GALNT13: variants seen among roughly 807,000 people sequenced by gnomAD.
GALNT13 encodes the protein polypeptide N-acetylgalactosaminyltransferase 13.
A neutral mutation model predicts 64.2 loss-of-function variants in GALNT13; 28 were observed. The observed-to-expected ratio is 0.44, with a 90% confidence interval of 0.32 to 0.60. The LOEUF (loss-of-function observed/expected upper bound fraction) is 0.60, where lower values mean the gene tolerates loss of function less well. GALNT13 is among the 20% of genes least tolerant of loss of function. The pLI, the probability that GALNT13 is intolerant of heterozygous loss-of-function variation, is 0.05. For synonymous variants in GALNT13, 214 were observed against 224.6 expected (o/e 0.95, Z 0.42); for missense variants, 577 against 669.8 (o/e 0.86, Z 1.53).
chr2:153,805,831 T>G, the GALNT13 span, among the ~76,000 whole-genome samples: 22 of 152,020 alleles, frequency 1.4e-4, no homozygotes, highest in Admixed American at 1.4e-3. Flanking sequence ...TGATTCTTTA[T>G]GAAGAAGAAA....
At chr2:153,276,009 T>C in the GALNT13 span, among the ~76,000 whole-genome samples, 5 of 152,224 alleles carry the variant, frequency 3.3e-5, no homozygotes, top group Non-Finnish European at 7.4e-5. Context: ...TATTTCATTT[T>C]CATTTAAATT....
intron 1 of GALNT13, among the ~76,000 whole-genome samples, chr2:153,896,081 A>ATATTTTTTTTTTTTTTTTTT (rs1574065409): frequency 1.7e-4 from 23 of 136,856 alleles, no homozygotes; most frequent in African/African-American, 5.1e-4. Flanking sequence ...ATGATTTTAT[A>ATATTTTTTTTTTTTTTTTTT]TTTTTATGTT....
At chr2:153,387,855 T>C in the GALNT13 span, among the ~76,000 whole-genome samples, 3 of 152,120 alleles carry the variant, frequency 2.0e-5, no homozygotes, top group Admixed American at 6.6e-5. Flanking sequence ...CATGTGTTGA[T>C]AGCAGTGTCT....
the GALNT13 span, among the ~76,000 whole-genome samples, chr2:153,418,401 G>T: frequency 2.0e-5 from 3 of 152,168 alleles, no homozygotes; most frequent in Non-Finnish European, 4.4e-5. Flanking sequence ...TAAGTTTGTT[G>T]TAATTTGCCA....
At chr2:153,421,543 T>G in the GALNT13 span, 1 of 233,290 alleles carries the variant, frequency 4.3e-6, no homozygotes, top group Non-Finnish European at 9.8e-6. Flanking sequence ...CAGAACCAGT[T>G]TCTCCACCAA....
chr2:153,598,250 C>T, the GALNT13 span, among the ~76,000 whole-genome samples: 1 of 152,136 alleles, frequency 6.6e-6, no homozygotes, highest in Non-Finnish European at 1.5e-5. Flanking sequence ...CCATCTCCTA[C>T]TATTCTCCTT....
chr2:154,054,852 A>G (rs1364434421), intron 3 of GALNT13, among the ~76,000 whole-genome samples: 6 of 152,062 alleles, frequency 3.9e-5, no homozygotes, highest in Non-Finnish European at 7.4e-5. Context: ...TCATAATAAA[A>G]TAAGAAATTA....
At chr2:153,101,814 C>T in the GALNT13 span, among the ~76,000 whole-genome samples, 3 of 152,232 alleles carry the variant, frequency 2.0e-5, no homozygotes. Flanking sequence ...CGTGCTCATG[C>T]ACATCTGTCT....
the GALNT13 span, among the ~76,000 whole-genome samples, chr2:153,487,198 G>C: frequency 1.3e-5 from 2 of 152,198 alleles, no homozygotes; most frequent in Admixed American, 1.3e-4. Flanking sequence ...TTCTGCAAGA[G>C]AGAAACAATG....
the GALNT13 span, among the ~76,000 whole-genome samples, chr2:153,269,182 T>TA: frequency 6.6e-6 from 1 of 152,086 alleles, no homozygotes; most frequent in African/African-American, 2.4e-5. Flanking sequence ...TCTACTTTTT[T>TA]AAAAAAAATA....
At chr2:153,180,011 C>T in the GALNT13 span, among the ~76,000 whole-genome samples, 14 of 152,136 alleles carry the variant, frequency 9.2e-5, no homozygotes, top group South Asian at 2.9e-3. Context: ...TATTTGGATG[C>T]CTTTTATTTC....
Position 153,944,435 on chromosome 2 carries a change from CTTGGATTT to C in GALNT13, c.-62_-55del, listed in dbSNP as rs1306315429. 1 of 1,500,428 alleles carries C rather than the reference CTTGGATTT, an allele frequency of 6.7e-7. No homozygotes were observed. The highest frequency in any genetic ancestry group is 2.3e-5 in the East Asian group (1 of 43,472). The allele number at this position is 1,500,428 out of a possible 1,614,324, so 92.9% of individuals were successfully genotyped here. A position where few individuals can be genotyped will look rare whatever the true frequency, so the allele number is the denominator to read the frequency against. ...TTCATCTTGGAGTTCACCTGTGTGG[CTTGGATTT>C]ATCACAGTAGCATTTGTCTTCAATC... On this transcript the variant is annotated 5_prime_UTR_variant, in exon 3 of 13. An upstream open reading frame in the 5' UTR gains an earlier in-frame stop. Transcript: ENST00000392825.
chr2:154,424,869 C>T (rs553320794), intron 11 of GALNT13, among the ~76,000 whole-genome samples: 1 of 152,294 alleles, frequency 6.6e-6, no homozygotes, highest in South Asian at 2.1e-4. Flanking sequence ...TGGGGGAACC[C>T]AAACTAAATA....
intron 4 of GALNT13, among the ~76,000 whole-genome samples, chr2:154,208,821 A>G (rs1314084549): frequency 6.6e-6 from 1 of 152,066 alleles, no homozygotes; most frequent in East Asian, 1.9e-4. Context: ...ATATATTTTA[A>G]TCCTGTAGAA....
the GALNT13 span, among the ~76,000 whole-genome samples, chr2:153,634,371 T>C: frequency 6.6e-6 from 1 of 151,954 alleles, no homozygotes; most frequent in Non-Finnish European, 1.5e-5. Context: ...AACTCACACT[T>C]CTTTCTGATA....
At chr2:153,684,468 A>G in the GALNT13 span, among the ~76,000 whole-genome samples, 1 of 151,722 alleles carries the variant, frequency 6.6e-6, no homozygotes, top group East Asian at 1.9e-4. Context: ...ATATTAAAAT[A>G]TTTAACTTGA....
At chr2:154,353,344 G>A (rs764644634) in intron 9 of GALNT13, among the ~76,000 whole-genome samples, 2 of 152,054 alleles carry the variant, frequency 1.3e-5, no homozygotes, top group Non-Finnish European at 2.9e-5. Context: ...GAAGTTATGG[G>A]ATACATATAG....
the GALNT13 span, among the ~76,000 whole-genome samples, chr2:153,195,091 G>A: frequency 3.9e-5 from 6 of 152,174 alleles, no homozygotes; most frequent in Admixed American, 6.5e-5. Context: ...AGTGGCAGTG[G>A]GGGGATGAGT....
intron 4 of GALNT13, among the ~76,000 whole-genome samples, chr2:154,225,121 T>TAGAC (rs1307025142): frequency 7.1e-6 from 1 of 139,988 alleles, no homozygotes; most frequent in Non-Finnish European, 1.5e-5. Flanking sequence ...GATAGATAGA[T>TAGAC]AGATAGATAG....
Sources: allele counts gnomAD v4.1 joint callset (sites outside exome capture counted in the v4.1 genomes callset), GRCh38; gene constraint gnomAD v4.1.1; transcripts MANE v1.5; gene names NCBI Gene and HGNC (gene_info 2026-07-23, HGNC 2026-07-21).